The following ARVCF variants were observed in gnomAD, a reference collection of about 807,000 sequenced individuals.
ARVCF encodes the protein ARVCF delta catenin family member, also known as splicing regulator ARVCF.
In ARVCF, 66 loss-of-function variants were observed where a neutral mutation model predicts 90.9. That is an observed-to-expected ratio of 0.73 (90% CI 0.60 to 0.89). ARVCF has a LOEUF of 0.89. Among genes scored for constraint, ARVCF ranks in the 40% least tolerant of loss-of-function variants. The pLI is 0.00. For synonymous variants in ARVCF, 653 were observed against 603.4 expected, an observed-to-expected ratio of 1.08 and a Z score of -1.21; for missense variants, 1,469 against 1,382.3, an observed-to-expected ratio of 1.06 and a Z score of -1.00.
At chr22:19,990,078 C>T (rs958312682) in intron 3 of ARVCF, among the ~76,000 whole-genome samples, 1 of 152,182 alleles carries the variant, frequency 6.6e-6, no homozygotes, top group Admixed American at 6.5e-5. Context: ...TAGGGCCTGG[C>T]CATGGAACAC....
intron 2 of ARVCF, among the ~76,000 whole-genome samples, chr22:19,997,974 G>A (rs1346314430): frequency 1.3e-5 from 2 of 152,236 alleles, no homozygotes; most frequent in Non-Finnish European, 2.9e-5. Context: ...CAGACATGGA[G>A]CTGAGCCCCG....
At chr22:19,983,252 T>C (rs1314901386) in intron 3 of ARVCF, among the ~76,000 whole-genome samples, 1 of 152,224 alleles carries the variant, frequency 6.6e-6, no homozygotes, top group Admixed American at 6.5e-5. Flanking sequence ...TCCTGCTTTG[T>C]GGCCCAGGCC....
At chr22:19,997,673 G>A (rs1383689967) in intron 2 of ARVCF, among the ~76,000 whole-genome samples, 1 of 152,210 alleles carries the variant, frequency 6.6e-6, no homozygotes, top group Non-Finnish European at 1.5e-5. Context: ...CACCACCAAG[G>A]GCTCAAAGGC....
Position 19,990,794 on chromosome 22 carries a change from TG to T in ARVCF, c.-1del. 6.4e-7 allele frequency: 1 copy of T among 1,559,106 alleles called. No homozygotes were observed. On this transcript the variant is annotated 5_prime_UTR_variant, in exon 3 of 20. Transcript: ENST00000263207. ...GCCGAGTGCACATTGCAGTCCTCCA[TG>T]ACCAGAGCGCCCGCCAGCTGCAGGC... is the stretch of plus-strand genomic sequence containing the variant.
At chr22:20,011,144 C>A (rs914205791) in intron 1 of ARVCF, among the ~76,000 whole-genome samples, 1 of 152,214 alleles carries the variant, frequency 6.6e-6, no homozygotes, top group Non-Finnish European at 1.5e-5. Context: ...GGCTTATGGG[C>A]TGGAGCAGGA....
In ARVCF at chr22:19,981,637, G is replaced by T; in HGVS notation, c.470C>A (p.Pro157His). 1 of 1,609,296 alleles carries T rather than the reference G, an allele frequency of 6.2e-7. No homozygotes were observed. Among genetic ancestry groups the T allele is most frequent in the Non-Finnish European group, 8.5e-7 (1 of 1,179,664 alleles). ...PLLDGGPPLG[P>H]FADGALDRHF... ...CCGGTCCAGGGCACCATCTGCAAAA[G>T]GGCCTAGTGGGGGGCCGCCATCCAG... is the stretch of plus-strand genomic sequence containing the variant. Residue 157 changes from proline to histidine, a missense_variant, in exon 5 of 20, where the codon CCT becomes CAT. Physicochemically the swap from Pro to His is moderately conservative, Grantham distance 77 (BLOSUM62 -2). Coordinates refer to ENST00000263207, the MANE Select transcript of ARVCF (RefSeq NM_001670.3).
At chr22:19,996,806 C>A (rs1944270724) in intron 2 of ARVCF, among the ~76,000 whole-genome samples, 1 of 151,936 alleles carries the variant, frequency 6.6e-6, no homozygotes, top group Non-Finnish European at 1.5e-5. Flanking sequence ...GGGCGGTGCC[C>A]ACTGTCAGAG....
In ARVCF at chr22:19,979,788, G is replaced by A. The variant is rs1943377951; in HGVS notation, c.1351C>T (p.Leu451=). Residue 451 remains leucine (L), a synonymous_variant, in exon 6 of 20, where the codon CTG becomes TTG. Transcript: ENST00000263207. ...DCGGVPALVR[L]LRAARDNEVR... ...TCGTTGTCCCGGGCAGCCCTCAGCA[G>A]GCGCACCAGGGCAGGCACACCACCG... 1.2e-6 allele frequency: 2 copies of A among 1,608,376 alleles called. No homozygotes were observed. The highest frequency in any genetic ancestry group is 1.7e-5 in the Admixed American group (1 of 59,660).
chr22:20,007,294 C>T (rs960825606), intron 2 of ARVCF, among the ~76,000 whole-genome samples: 6 of 152,054 alleles, frequency 3.9e-5, no homozygotes, highest in East Asian at 3.9e-4. Flanking sequence ...CCCAGCTACT[C>T]GGGAGGTTGA....
rs12628032 is a variant in ARVCF at position 19,980,457 on chromosome 22, C to T, written c.897-215G>A. On this transcript the variant is annotated intron_variant, in intron 5 of 19. Coordinates refer to ENST00000263207, the MANE Select transcript of ARVCF (RefSeq NM_001670.3). ...GAGCCAAATGCCAAACCCCAGCCAG[C>T]GGCTACCAGGACCCAGGCAACCCTC... is the stretch of plus-strand genomic sequence containing the variant. 0.3 allele frequency: 189,270 copies of T among 640,882 alleles called. 29,299 individuals carry two copies. The highest frequency in any genetic ancestry group is 0.36 in the South Asian group (7,662 of 21,246). The allele number at this position is 640,882 out of a possible 1,614,324, so 39.7% of individuals were successfully genotyped here.
Position 19,971,256 on chromosome 22 carries a change from T to C in ARVCF, c.2861A>G (p.Lys954Arg). The C allele has an allele frequency of 1.9e-6, 3 of 1,556,072 alleles. No individual in the cohort carries two copies. Among genetic ancestry groups the C allele is most frequent in the Non-Finnish European group, 2.6e-6 (3 of 1,149,082 alleles). Residue 954 changes from lysine to arginine, a missense_variant, in exon 19 of 20, where the codon AAG (lysine) becomes AGG (arginine). Lys to Arg is a conservative substitution (Grantham distance 26, BLOSUM62 2). Transcript: ENST00000263207. ...GACCCAGGAATCAACGGGCTGAGGCTTAGCGTCCCCTACGGCGTCCACCAG... is the reference window on the plus strand; with the variant it reads ...GACCCAGGAATCAACGGGCTGAGGCCTAGCGTCCCCTACGGCGTCCACCAG... ...VRLVDAVGDA[K>R]PQPVDSWV
At chr22:19,974,016 T>A in intron 12 of ARVCF, 96 bp downstream of exon 12, 1 of 1,527,558 alleles carries the variant, frequency 6.5e-7, no homozygotes, top group South Asian at 1.2e-5. Flanking sequence ...GTGTGGCCCC[T>A]CCTTTCCCCG....
In ARVCF at chr22:19,980,191, A is replaced by AGGCCGCGAGCT. The variant is rs1231311023; in HGVS notation, c.947_948insAGCTCGCGGCC (p.Phe318ArgfsTer8). 1 of 1,559,244 alleles carries AGGCCGCGAGCT rather than the reference A, an allele frequency of 6.4e-7. No homozygotes were observed. Among genetic ancestry groups the AGGCCGCGAGCT allele is most frequent in the Non-Finnish European group, 8.7e-7 (1 of 1,153,526 alleles). On this transcript the variant is annotated frameshift_variant, in exon 6 of 20. Transcript: ENST00000263207. LOFTEE classifies it high-confidence loss of function. ...GGGGCGCCGTCACCATTGGGAACGC[A>AGGCCGCGAGCT]GGCCGCTCGTCCGCCAGCTCGCCGC...
Position 19,972,834 on chromosome 22 carries a change from C to G in ARVCF, c.2551-7G>C. 2 of 1,613,560 alleles carry G rather than the reference C, an allele frequency of 1.2e-6. No homozygotes were observed. Among genetic ancestry groups the G allele is most frequent in the South Asian group, 2.2e-5 (2 of 91,044 alleles). On this transcript the variant is annotated splice_polypyrimidine_tract_variant and splice_region_variant and intron_variant, in intron 15 of 19. Coordinates refer to ENST00000263207, the MANE Select transcript of ARVCF (RefSeq NM_001670.3). ...TGGCAGTAGCAGCAGCTGACTGAGA[C>G]ATAAAACACAGACACAGGGTGGGTG...
chr22:19,972,057 G>C (rs982251633), intron 17 of ARVCF, 86 bp from the exon 18 acceptor site: 121 of 1,293,258 alleles, frequency 9.4e-5, no homozygotes, highest in Non-Finnish European at 1.2e-4. Context: ...AGACACAGGG[G>C]ACTCGTGGGA....
Position 19,970,584 on chromosome 22 carries a change from G to C in ARVCF, c.*172C>G. Reference sequence around the variant, plus strand: ...GGAGTTAGGTAGGATGGGGGGAGTGGGGTGGGGGGGCAGGAGGGTGTCCCC... The same window carrying C: ...GGAGTTAGGTAGGATGGGGGGAGTGCGGTGGGGGGGCAGGAGGGTGTCCCC... On this transcript the variant is annotated 3_prime_UTR_variant, in exon 20 of 20. Coordinates refer to ENST00000263207, the MANE Select transcript of ARVCF (RefSeq NM_001670.3). The C allele has an allele frequency of 1.6e-6, 2 of 1,236,002 alleles. No homozygotes were observed. The highest frequency in any genetic ancestry group is 1.0e-6 in the Non-Finnish European group (1 of 963,640). The allele number at this position is 1,236,002 out of a possible 1,614,324, so 76.6% of individuals were successfully genotyped here.
intron 1 of ARVCF, among the ~76,000 whole-genome samples, chr22:20,011,828 C>G (rs1465429232): frequency 6.6e-6 from 1 of 152,052 alleles, no homozygotes; most frequent in Non-Finnish European, 1.5e-5. Flanking sequence ...TAAGTGTTCA[C>G]ATAGGTTTTG....
chr22:19,981,014 G>A, intron 5 of ARVCF, 197 bp downstream of exon 5: 1 of 661,054 alleles, frequency 1.5e-6, no homozygotes, highest in Non-Finnish European at 2.4e-6. Flanking sequence ...CCCTGGGCCT[G>A]CAGGACAGTG....
In ARVCF at chr22:19,978,064, G is replaced by A. The variant is rs747071314; in HGVS notation, c.1592C>T (p.Ser531Phe). The change falls in exon 8 of 20, where the codon TCC becomes TTC. Residue 531 changes from serine to phenylalanine, a missense_variant. Transcript: ENST00000263207. Reference protein sequence around the residue: ...NTSGCLRNVSSDGAEARRRLR... With the variant: ...NTSGCLRNVSFDGAEARRRLR... ...TCGCCGCCGGGCCTCAGCACCATCG[G>A]AGCTCACATTCCTGTGTGGCCAAGA... is the stretch of plus-strand genomic sequence containing the variant. The A allele has an allele frequency of 1.9e-6, 3 of 1,608,116 alleles. No individual in the cohort carries two copies. The highest frequency in any genetic ancestry group is 2.5e-6 in the Non-Finnish European group (3 of 1,177,580).
Sources: gnomAD v4.1 joint callset for allele counts (sites outside exome capture counted in the v4.1 genomes callset) on GRCh38, gnomAD v4.1.1 for gene constraint, MANE v1.5 for transcripts, NCBI Gene and HGNC (gene_info 2026-07-23, HGNC 2026-07-21) for gene names.